MAN2B2: variants seen among roughly 807,000 people sequenced by gnomAD.
The protein encoded by MAN2B2 is epididymis-specific alpha-mannosidase.
In MAN2B2, 106 loss-of-function variants were observed where a neutral mutation model predicts 117.1. That is an observed-to-expected ratio of 0.90 (90% CI 0.77 to 1.06). The LOEUF is 1.06. MAN2B2 is among the 50% of genes least tolerant of loss of function. The probability of loss-of-function intolerance (pLI) is 0.00; values close to 1 mark genes in which losing one functional copy is unlikely to be tolerated. For synonymous variants in MAN2B2, 544 were observed against 595.1 expected (o/e 0.91, Z 1.25); for missense variants, 1,326 against 1,381.4 (o/e 0.96, Z 0.64).
At chr4:6,611,823 T>G (rs1197341331) in intron 15 of MAN2B2, among the ~76,000 whole-genome samples, 1 of 152,176 alleles carries the variant, frequency 6.6e-6, no homozygotes, top group African/African-American at 2.4e-5. Flanking sequence ...AAGTTGGGTC[T>G]GAATCTAGGT....
intron 11 of MAN2B2, 60 bp downstream of exon 11, chr4:6,605,389 G>T: frequency 6.5e-7 from 1 of 1,539,494 alleles, no homozygotes; most frequent in Non-Finnish European, 8.8e-7. Flanking sequence ...GGGCATGTCA[G>T]GCCCCTACCT....
chr4:6,611,383 T>G, intron 15 of MAN2B2, 105 bp downstream of exon 15: 1 of 1,267,606 alleles, frequency 7.9e-7, no homozygotes, highest in East Asian at 2.5e-5. Flanking sequence ...GGGCAGCTTT[T>G]GGGCAGGAAG....
intron 7 of MAN2B2, 45 bp from the exon 8 acceptor site, chr4:6,597,068 C>A: frequency 6.4e-7 from 1 of 1,573,926 alleles, no homozygotes; most frequent in Non-Finnish European, 8.7e-7. Context: ...TAGCAGACTT[C>A]TGGGTCATGC....
rs1439094586 is a variant in MAN2B2, at chr4:6,600,684, C to T, written c.1467C>T (p.Thr489=). ...VYNPLAWTVT[T]IVTLTVGFPG... is the part of the protein sequence containing the mutation. Reference sequence around the variant, plus strand: ...ACCCGCTGGCCTGGACGGTCACCACCATCGTCACCCTGACTGTTGGTTTCC... The same window carrying T: ...ACCCGCTGGCCTGGACGGTCACCACTATCGTCACCCTGACTGTTGGTTTCC... The change falls in exon 10 of 19, where the codon ACC becomes ACT. Residue 489 remains threonine (T), a synonymous_variant. Transcript: ENST00000285599. 7 of 1,614,040 alleles carry T rather than the reference C, an allele frequency of 4.3e-6. No individual in the cohort carries two copies. Among genetic ancestry groups the T allele is most frequent in the Non-Finnish European group, 5.9e-6 (7 of 1,180,024 alleles).
rs1726809816 is a variant in MAN2B2 at position 6,590,414 on chromosome 4, G to A, written c.680+1254G>A. ...CAATCAATCAATCAATCAATGATGA[G>A]GTCTTTACATCAGTGTTCCCAAGAA... On this transcript the variant is annotated intron_variant, in intron 5 of 18. Transcript: ENST00000285599. Among the ~76,000 whole-genome samples, 4 of 152,198 alleles carry A rather than the reference G, an allele frequency of 2.6e-5. No individual in the cohort carries two copies. The South Asian group carries it at 8.3e-4, about 32-fold the overall frequency.
At chr4:6,618,519 G>A (rs1712005179) in intron 17 of MAN2B2, 1 of 152,324 alleles carries the variant, frequency 6.6e-6, no homozygotes, top group African/African-American at 2.4e-5. Flanking sequence ...AGGTTGCTGA[G>A]AGGCCCTGGC....
In MAN2B2 at chr4:6,597,176, G is replaced by T. The variant is rs144033191; in HGVS notation, c.1121G>T (p.Arg374Leu). ...SRSSLKGLAR[R>L]ASALLYAGES... The stretch of plus-strand genomic sequence containing the variant: ...AGCTCACTGAAGGGGCTGGCCCGGC[G>T]AGCCAGCGCCTTGTTGTATGCCGGG... The change falls in exon 8 of 19, where the codon CGA (arginine) becomes CTA (leucine). Residue 374 changes from arginine (R) to leucine (L), a missense_variant. Transcript: ENST00000285599. The T allele has an allele frequency of 1.5e-4, 237 of 1,612,748 alleles. 1 individual carries two copies. Among genetic ancestry groups the T allele is most frequent in the Admixed American group, 1.3e-3 (79 of 59,922 alleles).
intron 8 of MAN2B2, among the ~76,000 whole-genome samples, chr4:6,597,859 G>A (rs909798880): frequency 2.6e-5 from 4 of 152,210 alleles, no homozygotes; most frequent in African/African-American, 9.6e-5. Context: ...ATCCAAAAAA[G>A]GGTCACACCA....
rs144333557 is a variant in MAN2B2 at position 6,609,230 on chromosome 4, G to A, written c.1938G>A (p.Ala646=). The A allele has an allele frequency of 5.2e-4, 841 of 1,614,222 alleles. 4 individuals carry two copies. In the African/African-American group the frequency reaches 0.01, roughly 19 times the overall value. The change falls in exon 12 of 19, where the codon GCG becomes GCA. Residue 646 remains alanine, a synonymous_variant. Transcript: ENST00000285599. ...CACCGGGCAAGGCCGCGGTGCCTGC[G>A]TGGGAAGCTGTGGAAATGGAGATTG... is the stretch of plus-strand genomic sequence containing the variant. The part of the protein sequence containing the change: ...LFTPGKAAVP[A]WEAVEMEIVA...
rs369522204 is a variant in MAN2B2, at chr4:6,600,669, C to A, written c.1452C>A (p.Ala484=). 28 of 1,613,916 alleles carry A rather than the reference C, an allele frequency of 1.7e-5. No homozygotes were observed. The East Asian group carries it at 2.4e-4, about 14-fold the overall frequency. Residue 484 remains alanine, a synonymous_variant, in exon 10 of 19, where the codon GCC becomes GCA. Transcript: ENST00000285599. ...GHFASVYNPL[A]WTVTTIVTLT... ...TTGCCTCGGTCTACAACCCGCTGGC[C>A]TGGACGGTCACCACCATCGTCACCC...
chr4:6,597,794 C>T (rs1195837014), intron 8 of MAN2B2, among the ~76,000 whole-genome samples: 1 of 152,230 alleles, frequency 6.6e-6, no homozygotes, highest in Non-Finnish European at 1.5e-5. Context: ...CCATCCCCTA[C>T]TGTACTGATG....
At position 6,578,828 on chromosome 4, in the gene MAN2B2, T is replaced by C. The variant is rs115206266; in HGVS notation, c.391+330T>C. Among the ~76,000 whole-genome samples, 630 of 152,186 alleles carry C rather than the reference T, an allele frequency of 4.1e-3. 4 individuals are homozygous for C. Among genetic ancestry groups the C allele is most frequent in the Non-Finnish European group, 6.7e-3 (454 of 67,972 alleles). ...TGGTAATACCTACCTCAAAGGGTTG[T>C]TGTGAGTATTAAATGGGATAATTCA... On this transcript the variant is annotated intron_variant, in intron 3 of 18. Transcript: ENST00000285599.
intron 4 of MAN2B2, among the ~76,000 whole-genome samples, chr4:6,587,997 G>A (rs560647078): frequency 3.2e-4 from 48 of 152,078 alleles, no homozygotes; most frequent in African/African-American, 9.9e-4. Context: ...GTCCTCAAGC[G>A]ATCCGCCCAC....
At chr4:6,595,421 A>G (rs893788603) in intron 7 of MAN2B2, among the ~76,000 whole-genome samples, 9 of 152,294 alleles carry the variant, frequency 5.9e-5, no homozygotes, top group African/African-American at 2.2e-4. Flanking sequence ...GTAACAGTAT[A>G]CCACAGAATG....
chr4:6,620,321 A>C, intron 18 of MAN2B2: 1 of 338,984 alleles, frequency 2.9e-6, no homozygotes. Flanking sequence ...CCTGGGTGAC[A>C]GCTAGGGGCC....
chr4:6,594,625 G>A lies in MAN2B2; in HGVS notation c.950G>A (p.Gly317Asp). The A allele has an allele frequency of 6.2e-7, 1 of 1,613,618 alleles. No individual in the cohort carries two copies. The highest frequency in any genetic ancestry group is 8.5e-7 in the Non-Finnish European group (1 of 1,179,950). ...DHINSHAAEL[G>D]VSVQYATLGD... ...ATCAACAGCCATGCTGCCGAGCTCG[G>A]TGTCTCGGTGCAGTATGCCACGCTG... is the stretch of plus-strand genomic sequence containing the variant. The change falls in exon 7 of 19, where the codon GGT becomes GAT. Residue 317 changes from glycine to aspartate, a missense_variant. By Grantham distance (94) the Gly-to-Asp change is moderately conservative. Coordinates refer to ENST00000285599, the MANE Select transcript of MAN2B2 (RefSeq NM_015274.3).
chr4:6,619,876 C>A, intron 17 of MAN2B2, 51 bp from the exon 18 acceptor site: 2 of 1,540,850 alleles, frequency 1.3e-6, no homozygotes, highest in South Asian at 1.1e-5. Context: ...GTTCTCTGCT[C>A]AGCTCTGGAA....
chr4:6,601,478 C>T (rs1727327909), intron 10 of MAN2B2, among the ~76,000 whole-genome samples: 1 of 140,868 alleles, frequency 7.1e-6, no homozygotes. Context: ...CCAGCCTGGG[C>T]AACAAGAGTG....
chr4:6,591,128 A>G (rs184090865), intron 5 of MAN2B2, among the ~76,000 whole-genome samples: 3 of 152,190 alleles, frequency 2.0e-5, no homozygotes, highest in Admixed American at 1.3e-4. Flanking sequence ...CCTGGGTGAC[A>G]GAATCAGACT....
Sources: gnomAD v4.1 joint callset for allele counts (sites outside exome capture counted in the v4.1 genomes callset) on GRCh38, gnomAD v4.1.1 for gene constraint, MANE v1.5 for transcripts, NCBI Gene and HGNC (gene_info 2026-07-23, HGNC 2026-07-21) for gene names.